Variants in CMTM7 observed in about 807,000 individuals in gnomAD.
CMTM7 encodes the protein CKLF like MARVEL transmembrane domain containing 7.
In CMTM7, 7 loss-of-function variants were observed where a neutral mutation model predicts 19.3. That is an observed-to-expected ratio of 0.36 (90% CI 0.21 to 0.68). The LOEUF (loss-of-function observed/expected upper bound fraction) is 0.68, where lower values mean the gene tolerates loss of function less well. CMTM7 is among the 30% of genes least tolerant of loss of function. CMTM7 has a pLI of 0.60. For missense variants in CMTM7, 193 were observed against 232.6 expected (o/e 0.83, Z 1.11); for synonymous variants, 87 against 99.3 (o/e 0.88, Z 0.74).
intron 2 of CMTM7, among the ~76,000 whole-genome samples, chr3:32,446,730 A>G (rs967819785): frequency 7.2e-5 from 11 of 152,122 alleles, no homozygotes; most frequent in Non-Finnish European, 1.3e-4. Flanking sequence ...TTGCTCTGTT[A>G]GTTCCCATGA....
rs1254991241 is a variant in CMTM7 at position 32,391,876 on chromosome 3, G to C, written c.-31G>C. The stretch of plus-strand genomic sequence containing the variant: ...GTATCTGGCCCCTGGGCAGCTGCCC[G>C]GGGAGGCGGCCAGCGAGCTGGGGCC... On this transcript the variant is annotated 5_prime_UTR_variant, in exon 1 of 5. Transcript: ENST00000334983. 5.2e-6 allele frequency: 6 copies of C among 1,153,858 alleles called. No homozygotes were observed. The highest frequency in any genetic ancestry group is 3.2e-5 in the African/African-American group (2 of 61,932). 71.5% of individuals were successfully genotyped at this position (1,153,858 alleles called of 1,614,324 possible).
At chr3:32,450,594 A>G (rs1041543464) in intron 3 of CMTM7, among the ~76,000 whole-genome samples, 16 of 152,226 alleles carry the variant, frequency 1.1e-4, no homozygotes, top group Non-Finnish European at 1.9e-4. Flanking sequence ...AAACCTCCCA[A>G]CACTGATGCT....
At chr3:32,394,288 G>C (rs771595049) in intron 1 of CMTM7, among the ~76,000 whole-genome samples, 2 of 151,428 alleles carry the variant, frequency 1.3e-5, no homozygotes, top group Non-Finnish European at 2.9e-5. Context: ...TTTAACATTG[G>C]GGAAGGGCAG....
At chr3:32,406,288 C>G (rs951829461) in intron 1 of CMTM7, among the ~76,000 whole-genome samples, 13 of 152,196 alleles carry the variant, frequency 8.5e-5, no homozygotes, top group African/African-American at 3.1e-4. Flanking sequence ...CTTTTGTTAT[C>G]TAGCCGTGCT....
rs1465645060 is a variant in CMTM7 at position 32,449,503 on chromosome 3, T to C, written c.383T>C (p.Ile128Thr). ...IGTLLLLIAS[I>T]VAASKSYNQS... ...ACCCTGCTCCTCCTCATCGCCTCCA[T>C]TGTGGCAGCTTCCAAGAGTTACAAC... Residue 128 changes from isoleucine (I) to threonine (T), a missense_variant, in exon 3 of 5, where the codon ATT becomes ACT. Ile to Thr is a moderately conservative substitution (Grantham distance 89). Coordinates refer to ENST00000334983, the MANE Select transcript of CMTM7 (RefSeq NM_138410.4). The surrounding 1 kb of genome is among the most constrained non-coding windows in gnomAD (Gnocchi z 4.5). 6 of 1,614,156 alleles carry C rather than the reference T, an allele frequency of 3.7e-6. No homozygotes were observed. Among genetic ancestry groups the C allele is most frequent in the South Asian group, 3.3e-5 (3 of 91,084 alleles).
At position 32,452,394 on chromosome 3, in the gene CMTM7, C is replaced by A. The variant is rs1696850930; in HGVS notation, c.435C>A (p.Ile145=). 2 of 1,614,210 alleles carry A rather than the reference C, an allele frequency of 1.2e-6. No individual in the cohort carries two copies. Among genetic ancestry groups the A allele is most frequent in the Non-Finnish European group, 1.7e-6 (2 of 1,180,036 alleles). The change falls in exon 4 of 5, where the codon ATC becomes ATA. Residue 145 remains isoleucine, a splice_region_variant and synonymous_variant. Transcript: ENST00000334983. ...CCTCTCCCCTCTCTCCACTGCAGAT[C>A]TTTGGTTTCATGGCCACCTTCCTCT... ...YNQSGLVAGA[I]FGFMATFLCM...
At chr3:32,428,356 A>G (rs961891684) in intron 1 of CMTM7, among the ~76,000 whole-genome samples, 1 of 152,160 alleles carries the variant, frequency 6.6e-6, no homozygotes, top group Non-Finnish European at 1.5e-5. Flanking sequence ...TTTTTCCTTC[A>G]TTTCCTCATC....
chr3:32,410,671 C>T (rs968296742), intron 1 of CMTM7, among the ~76,000 whole-genome samples: 1 of 151,462 alleles, frequency 6.6e-6, no homozygotes, highest in Non-Finnish European at 1.5e-5. Flanking sequence ...GATTCCTGTC[C>T]TGGAGCAGCC....
At chr3:32,393,607 A>G (rs1695872148) in intron 1 of CMTM7, among the ~76,000 whole-genome samples, 1 of 152,136 alleles carries the variant, frequency 6.6e-6, no homozygotes, top group African/African-American at 2.4e-5. Context: ...CCTCGGCAAC[A>G]TAGCGAGACC....
chr3:32,440,494 C>A (rs1306410487), intron 1 of CMTM7, among the ~76,000 whole-genome samples: 2 of 152,094 alleles, frequency 1.3e-5, no homozygotes, highest in Admixed American at 1.3e-4. Flanking sequence ...AAATAGATTC[C>A]TGGCTGGAAA....
chr3:32,402,829 T>C (rs1266651434), intron 1 of CMTM7, among the ~76,000 whole-genome samples: 3 of 152,044 alleles, frequency 2.0e-5, no homozygotes, highest in Admixed American at 2.0e-4. Context: ...TCCCAAAGTG[T>C]TGGGATTACA....
Position 32,454,443 on chromosome 3 carries a change from T to C in CMTM7, c.*189T>C, listed in dbSNP as rs1009948878. 5 of 728,796 alleles carry C rather than the reference T, an allele frequency of 6.9e-6. No individual in the cohort carries two copies. In the Admixed American group the frequency reaches 1.0e-4, roughly 15 times the overall value. 45.1% of individuals were successfully genotyped at this position (728,796 alleles called of 1,614,324 possible). A position where few individuals can be genotyped will look rare whatever the true frequency, so the allele number is the denominator to read the frequency against. ...GAGCTCCTGAGCCAGCCGGAAACTC[T>C]TCCTCCAGCCTTCCGGGGAGAACAT... On this transcript the variant is annotated 3_prime_UTR_variant, in exon 5 of 5. Transcript: ENST00000334983.
At chr3:32,434,533 G>A (rs1399212585) in intron 1 of CMTM7, among the ~76,000 whole-genome samples, 1 of 150,566 alleles carries the variant, frequency 6.6e-6, no homozygotes, top group African/African-American at 2.4e-5. Context: ...TCGAACCCTT[G>A]GCTTCAAGTA....
intron 1 of CMTM7, among the ~76,000 whole-genome samples, chr3:32,424,575 T>C (rs1379972186): frequency 2.6e-5 from 4 of 152,106 alleles, no homozygotes; most frequent in Non-Finnish European, 4.4e-5. Flanking sequence ...GAATATCTGG[T>C]TGCAGGGAGC....
chr3:32,396,740 C>T (rs1023654673), intron 1 of CMTM7, among the ~76,000 whole-genome samples: 1 of 152,152 alleles, frequency 6.6e-6, no homozygotes, highest in Admixed American at 6.5e-5. Context: ...CACATCCACT[C>T]CTAGAAGAAG....
chr3:32,393,760 G>A (rs1241766377), intron 1 of CMTM7, among the ~76,000 whole-genome samples: 2 of 147,888 alleles, frequency 1.4e-5, no homozygotes, highest in African/African-American at 5.0e-5. Context: ...CGTGACGGAG[G>A]GAGGCCTGTC....
chr3:32,441,455 T>C lies in CMTM7; in HGVS notation c.160-385T>C, dbSNP rs72858821. Among the ~76,000 whole-genome samples the C allele has an allele frequency of 2.5e-3, 388 of 152,316 alleles. 1 individual carries two copies. The highest frequency in any genetic ancestry group is 8.9e-3 in the African/African-American group (369 of 41,572). Reference sequence around the variant, plus strand: ...GGCAACTTCGTACAATTGGGCCTAATATGTAAACCCCAGGTCACCATCACG... The same window carrying C: ...GGCAACTTCGTACAATTGGGCCTAACATGTAAACCCCAGGTCACCATCACG... On this transcript the variant is annotated intron_variant, in intron 1 of 4. Transcript: ENST00000334983.
At chr3:32,395,420 C>T (rs372460468) in intron 1 of CMTM7, among the ~76,000 whole-genome samples, 1 of 151,952 alleles carries the variant, frequency 6.6e-6, no homozygotes, top group East Asian at 1.9e-4. Context: ...AGTGAAGTAA[C>T]ATGTTTGATA....
chr3:32,429,626 A>G (rs1307633723), intron 1 of CMTM7, among the ~76,000 whole-genome samples: 2 of 120,758 alleles, frequency 1.7e-5, no homozygotes, highest in Non-Finnish European at 1.7e-5. Context: ...TTTGAGACGG[A>G]GTCTCACTCT....
Sources: gnomAD v4.1 joint callset for allele counts (sites outside exome capture counted in the v4.1 genomes callset) on GRCh38, gnomAD v4.1.1 for gene constraint, Gnocchi (gnomAD v3.1) non-coding constraint, MANE v1.5 for transcripts, NCBI Gene and HGNC (gene_info 2026-07-23, HGNC 2026-07-21) for gene names.